SCHIP1: variants seen among roughly 807,000 people sequenced by gnomAD.
SCHIP1 encodes schwannomin-interacting protein 1.
Under a neutral mutation model 29.7 loss-of-function variants are expected in SCHIP1, and 8 were observed. The ratio of observed to expected loss-of-function variants is 0.27; its 90% CI spans 0.16 to 0.49. The LOEUF (loss-of-function observed/expected upper bound fraction) is 0.49. Ranked by LOEUF, SCHIP1 falls within the 20% of genes least tolerant of loss-of-function variation. The pLI is 0.99. For missense variants in SCHIP1, 193 were observed against 294.6 expected (o/e 0.66, Z 2.52); for synonymous variants, 76 against 94.9 (o/e 0.80, Z 1.16).
the SCHIP1 span, among the ~76,000 whole-genome samples, chr3:159,815,345 G>A: frequency 6.6e-6 from 1 of 152,166 alleles, no homozygotes. Context: ...TTCAAGACAT[G>A]TATGTTTTAA....
intron 2 of SCHIP1, among the ~76,000 whole-genome samples, chr3:159,868,530 A>G (rs754846883): frequency 6.6e-6 from 1 of 152,124 alleles, no homozygotes; most frequent in Non-Finnish European, 1.5e-5. Flanking sequence ...CCTTTTAGCT[A>G]AGATCAAGTG....
At chr3:159,549,441 A>C in the SCHIP1 span, among the ~76,000 whole-genome samples, 1 of 152,126 alleles carries the variant, frequency 6.6e-6, no homozygotes, top group African/African-American at 2.4e-5. Flanking sequence ...GGAAGTAATT[A>C]AGGTTAAATG....
the SCHIP1 span, among the ~76,000 whole-genome samples, chr3:159,808,215 GCT>G: frequency 1.4e-4 from 22 of 152,316 alleles, no homozygotes; most frequent in African/African-American, 2.9e-4. Context: ...AGCAAGGACT[GCT>G]CTGTGATATA....
the SCHIP1 span, among the ~76,000 whole-genome samples, chr3:159,737,069 C>G: frequency 6.6e-6 from 1 of 152,152 alleles, no homozygotes; most frequent in African/African-American, 2.4e-5. Flanking sequence ...CTGGGTCTGT[C>G]CTTTGTGTTT....
the SCHIP1 span, among the ~76,000 whole-genome samples, chr3:159,702,572 G>A: frequency 6.6e-6 from 1 of 152,326 alleles, no homozygotes; most frequent in Admixed American, 6.5e-5. Context: ...TACATCTAAA[G>A]AAGTGAGCTT....
chr3:159,685,516 T>C, the SCHIP1 span, among the ~76,000 whole-genome samples: 1 of 152,200 alleles, frequency 6.6e-6, no homozygotes, highest in Admixed American at 6.5e-5. Flanking sequence ...AATTCTGTAA[T>C]CAAAAGGATG....
the SCHIP1 span, among the ~76,000 whole-genome samples, chr3:159,705,221 C>T: frequency 4.6e-5 from 7 of 152,266 alleles, no homozygotes; most frequent in East Asian, 1.4e-3. Flanking sequence ...GCCTCAGCCT[C>T]CCAAAGTGCT....
the SCHIP1 span, among the ~76,000 whole-genome samples, chr3:159,722,971 T>G: frequency 6.6e-6 from 1 of 152,160 alleles, no homozygotes; most frequent in Admixed American, 6.5e-5. Context: ...CTCTGTGGCA[T>G]CTCTTCCTCC....
chr3:159,460,128 T>C, the SCHIP1 span, among the ~76,000 whole-genome samples: 1 of 152,210 alleles, frequency 6.6e-6, no homozygotes, highest in Non-Finnish European at 1.5e-5. Flanking sequence ...TTCCACACTT[T>C]ACGATTTCTC....
chr3:159,353,254 T>C, the SCHIP1 span, among the ~76,000 whole-genome samples: 1 of 152,032 alleles, frequency 6.6e-6, no homozygotes, highest in Admixed American at 6.6e-5. Context: ...ATGGCACATG[T>C]ATACATATGT....
At chr3:159,367,450 A>G in the SCHIP1 span, among the ~76,000 whole-genome samples, 1 of 151,960 alleles carries the variant, frequency 6.6e-6, no homozygotes, top group Non-Finnish European at 1.5e-5. Context: ...CTTTAAACCA[A>G]ACTTTCTAAT....
chr3:159,819,116 G>T, the SCHIP1 span, among the ~76,000 whole-genome samples: 1 of 152,208 alleles, frequency 6.6e-6, no homozygotes, highest in Non-Finnish European at 1.5e-5. Flanking sequence ...CATGACTGGA[G>T]GCTGGAGCCC....
At chr3:159,303,346 CCTT>C in the SCHIP1 span, among the ~76,000 whole-genome samples, 1 of 151,722 alleles carries the variant, frequency 6.6e-6, no homozygotes, top group Non-Finnish European at 1.5e-5. Context: ...ATGGGCTGAA[CCTT>C]CTTTTTCCAG....
At chr3:159,686,027 C>A in the SCHIP1 span, among the ~76,000 whole-genome samples, 5 of 152,136 alleles carry the variant, frequency 3.3e-5, no homozygotes, top group Admixed American at 1.3e-4. Context: ...CAATGGATTC[C>A]TGGTGTGAGG....
chr3:159,439,605 G>C, the SCHIP1 span, among the ~76,000 whole-genome samples: 1 of 151,996 alleles, frequency 6.6e-6, no homozygotes, highest in African/African-American at 2.4e-5. Flanking sequence ...ATCTGATTGC[G>C]GTTTTGATTT....
At chr3:159,477,588 T>C in the SCHIP1 span, among the ~76,000 whole-genome samples, 29 of 152,330 alleles carry the variant, frequency 1.9e-4, 1 homozygote, top group African/African-American at 6.7e-4. Context: ...TGTTTTCTTC[T>C]GAGAATTGTC....
At chr3:159,634,189 T>A in the SCHIP1 span, among the ~76,000 whole-genome samples, 1 of 152,154 alleles carries the variant, frequency 6.6e-6, no homozygotes, top group Non-Finnish European at 1.5e-5. Flanking sequence ...AATATTAAGA[T>A]GCTAGTTAGA....
At chr3:159,476,788 A>G in the SCHIP1 span, among the ~76,000 whole-genome samples, 4 of 152,260 alleles carry the variant, frequency 2.6e-5, no homozygotes, top group East Asian at 5.8e-4. Context: ...ATATACCCTC[A>G]TGTATCTACC....
chr3:159,717,660 C>A, the SCHIP1 span, among the ~76,000 whole-genome samples: 6 of 152,162 alleles, frequency 3.9e-5, no homozygotes, highest in Non-Finnish European at 8.8e-5. Flanking sequence ...AACACATACA[C>A]CATCCCAAGA....
Sources: allele counts gnomAD v4.1 joint callset (sites outside exome capture counted in the v4.1 genomes callset), GRCh38; gene constraint gnomAD v4.1.1; transcripts MANE v1.5; gene names NCBI Gene and HGNC (gene_info 2026-07-23, HGNC 2026-07-21).